SLC25A46: variants seen among roughly 807,000 people sequenced by gnomAD.
SLC25A46 encodes mitochondrial outer membrane protein SLC25A46.
Under a neutral mutation model 44.6 loss-of-function variants are expected in SLC25A46, and 39 were observed. The observed-to-expected ratio is 0.87, with a 90% confidence interval of 0.68 to 1.14. The LOEUF is 1.14. Among genes scored for constraint, SLC25A46 ranks in the 50% most tolerant of loss-of-function variants. SLC25A46 has a pLI of 0.00. For missense variants in SLC25A46, 547 were observed against 522.7 expected (o/e 1.05, Z -0.45); for synonymous variants, 202 against 185.8 (o/e 1.09, Z -0.71).
In SLC25A46 at chr5:110,761,178, T is replaced by C; in HGVS notation, c.679-26T>C. 6.5e-7 allele frequency: 1 copy of C among 1,542,798 alleles called. No homozygotes were observed. The highest frequency in any genetic ancestry group is 8.8e-7 in the Non-Finnish European group (1 of 1,137,954). On this transcript the variant is annotated intron_variant, in intron 7 of 7. Coordinates refer to ENST00000355943, the MANE Select transcript of SLC25A46 (RefSeq NM_138773.4). The surrounding 1 kb of genome is among the most constrained non-coding windows in gnomAD (Gnocchi z 5.3). Reference sequence around the variant, plus strand: ...GGCAAAATAAGCAAATGTTAAGTTTTACTTATTTCATCATTTTTATTTCAG... The same window carrying C: ...GGCAAAATAAGCAAATGTTAAGTTTCACTTATTTCATCATTTTTATTTCAG...
intron 1 of SLC25A46, among the ~76,000 whole-genome samples, chr5:110,740,333 TTAAC>T (rs753836519): frequency 2.8e-4 from 43 of 152,302 alleles, no homozygotes; most frequent in Admixed American, 1.0e-3. Context: ...ACAATAATAT[TTAAC>T]TAAGAAGAAC....
chr5:110,739,675 T>A (rs530402097), intron 1 of SLC25A46, among the ~76,000 whole-genome samples: 15 of 152,362 alleles, frequency 9.8e-5, no homozygotes, highest in African/African-American at 3.4e-4. Flanking sequence ...TCTCAACTGA[T>A]GGTCTGAGTT....
rs1800315240 is a variant in SLC25A46 at position 110,763,600 on chromosome 5, C to A, written c.*1818C>A. On this transcript the variant is annotated 3_prime_UTR_variant, in exon 8 of 8. Coordinates refer to ENST00000355943, the MANE Select transcript of SLC25A46 (RefSeq NM_138773.4). ...AGAAAATTTCAAGTTTGAAAAATTT[C>A]TAGAAAAGAATCTGAATAGAATCAA... is the stretch of plus-strand genomic sequence containing the variant. 1 of 151,658 alleles carries A rather than the reference C, an allele frequency of 6.6e-6. No individual in the cohort carries two copies. The allele number at this position is 151,658 out of a possible 1,614,324, so 9.4% of individuals were successfully genotyped here. A position where few individuals can be genotyped will look rare whatever the true frequency, so the allele number is the denominator to read the frequency against.
intron 5 of SLC25A46, among the ~76,000 whole-genome samples, chr5:110,748,963 G>A (rs749097300): frequency 6.6e-6 from 1 of 152,132 alleles, no homozygotes; most frequent in East Asian, 1.9e-4. Flanking sequence ...TCAAATGGCA[G>A]TATAAAATAA....
intron 1 of SLC25A46, among the ~76,000 whole-genome samples, chr5:110,740,679 T>G (rs531230152): frequency 1.3e-5 from 2 of 152,216 alleles, no homozygotes; most frequent in Admixed American, 6.5e-5. Flanking sequence ...AGGCCGGGCG[T>G]GGTGGCTCAC....
At chr5:110,745,548 C>T (rs1012678792) in intron 3 of SLC25A46, 6 of 152,164 alleles carry the variant, frequency 3.9e-5, no homozygotes, top group South Asian at 2.1e-4. Context: ...CCACTGCGCC[C>T]GTCCTGTTAT....
chr5:110,748,293 G>A (rs754591977), intron 5 of SLC25A46, 30 bp downstream of exon 5: 1 of 1,562,052 alleles, frequency 6.4e-7, no homozygotes, highest in Non-Finnish European at 8.8e-7. Flanking sequence ...TTCAGTATTA[G>A]TTTCATGTGG....
At chr5:110,750,241 C>G (rs984279770) in intron 5 of SLC25A46, among the ~76,000 whole-genome samples, 2 of 127,866 alleles carry the variant, frequency 1.6e-5, no homozygotes, top group East Asian at 2.5e-4. Context: ...TTGGGCAGCT[C>G]AGAGTTTCTT....
chr5:110,759,547 G>A (rs1340358990), intron 7 of SLC25A46, among the ~76,000 whole-genome samples: 25 of 152,096 alleles, frequency 1.6e-4, no homozygotes, highest in Admixed American at 1.6e-3. Flanking sequence ...CATGTGTGTT[G>A]TATCACACAT....
Position 110,763,000 on chromosome 5 carries a change from GA to G in SLC25A46, c.*1223del, listed in dbSNP as rs1442910001. 1 of 151,714 alleles carries G rather than the reference GA, an allele frequency of 6.6e-6. No individual in the cohort carries two copies. The highest frequency in any genetic ancestry group is 1.9e-4 in the East Asian group (1 of 5,158). 9.4% of individuals were successfully genotyped at this position (151,714 alleles called of 1,614,324 possible). ...TGCCCTTGTATTTTATGGGTGAGGGGAAAAAGTACATTTGTACATTTCAACA... is the reference window on the plus strand; with the variant it reads ...TGCCCTTGTATTTTATGGGTGAGGGGAAAAGTACATTTGTACATTTCAACA... On this transcript the variant is annotated 3_prime_UTR_variant, in exon 8 of 8. Coordinates refer to ENST00000355943, the MANE Select transcript of SLC25A46 (RefSeq NM_138773.4).
chr5:110,748,241 A>C lies in SLC25A46; in HGVS notation c.541A>C (p.Ser181Arg), dbSNP rs752809209. 6.2e-7 allele frequency: 1 copy of C among 1,613,450 alleles called. No individual in the cohort carries two copies. The highest frequency in any genetic ancestry group is 8.5e-7 in the Non-Finnish European group (1 of 1,179,482). ...CACACTTGGAGCAGAAGGCATAATT[A>C]GTGAATTTACACCTTTGCCAAGGTA... ...GVTLGAEGII[S>R]EFTPLPREVL... The change falls in exon 5 of 8, where the codon AGT (serine) becomes CGT (arginine). Residue 181 changes from serine (S) to arginine (R), a missense_variant. By Grantham distance (110) the Ser-to-Arg change is moderately radical. Coordinates refer to ENST00000355943, the MANE Select transcript of SLC25A46 (RefSeq NM_138773.4).
At chr5:110,746,195 A>C (rs1433426044) in intron 3 of SLC25A46, 74 bp from the exon 4 acceptor site, 9 of 1,187,328 alleles carry the variant, frequency 7.6e-6, no homozygotes, top group Non-Finnish European at 1.1e-5. Context: ...CAATTCCACC[A>C]TATTTCTTTC....
At chr5:110,748,088 A>G in intron 4 of SLC25A46, 75 bp from the exon 5 acceptor site, 3 of 982,620 alleles carry the variant, frequency 3.1e-6, no homozygotes, top group East Asian at 4.9e-5. Flanking sequence ...TCTACACAAT[A>G]TCAAGTTTTA....
chr5:110,738,906 G>C (rs1005330673), upstream of SLC25A46: 2 of 1,308,762 alleles, frequency 1.5e-6, no homozygotes, highest in African/African-American at 1.5e-5. Flanking sequence ...CCAGGTTACC[G>C]CCGCGTCTCC....
In SLC25A46 at chr5:110,763,879, CAA is replaced by C. The variant is rs1800322660; in HGVS notation, c.*2099_*2100del. 1 of 151,704 alleles carries C rather than the reference CAA, an allele frequency of 6.6e-6. No homozygotes were observed. Among genetic ancestry groups the C allele is most frequent in the Admixed American group, 6.6e-5 (1 of 15,184 alleles). The allele number at this position is 151,704 out of a possible 1,614,324, so 9.4% of individuals were successfully genotyped here. A position where few individuals can be genotyped will look rare whatever the true frequency, so the allele number is the denominator to read the frequency against. On this transcript the variant is annotated 3_prime_UTR_variant, in exon 8 of 8. Transcript: ENST00000355943. ...TATGAATAATTTTTTACAACCACTC[CAA>C]ATTAGTTGAAACAAAATCTTGAACG...
intron 3 of SLC25A46, 128 bp downstream of exon 3, chr5:110,743,915 C>T: frequency 1.6e-6 from 1 of 615,988 alleles, no homozygotes; most frequent in South Asian, 3.3e-5. Flanking sequence ...TTTTTGGTCT[C>T]AAAACCTCTT....
upstream of SLC25A46, chr5:110,738,286 CA>C (rs1405651726): frequency 7.9e-7 from 1 of 1,264,956 alleles, no homozygotes; most frequent in East Asian, 5.9e-5. Context: ...CTCAGTTATT[CA>C]ATTAGAGGTC....
intron 5 of SLC25A46, among the ~76,000 whole-genome samples, chr5:110,749,181 T>C (rs999107563): frequency 6.6e-6 from 1 of 152,098 alleles, no homozygotes; most frequent in African/African-American, 2.4e-5. Flanking sequence ...TGGAAAATGT[T>C]AACCAAGATG....
intron 4 of SLC25A46, 139 bp downstream of exon 4, chr5:110,746,485 G>C (rs899440039): frequency 1.7e-6 from 1 of 580,706 alleles, no homozygotes; most frequent in Non-Finnish European, 3.0e-6. Context: ...GTAGCACAAC[G>C]ATATGTTTTT....
Sources: allele counts gnomAD v4.1 joint callset (sites outside exome capture counted in the v4.1 genomes callset), GRCh38; gene constraint gnomAD v4.1.1; non-coding constraint Gnocchi (gnomAD v3.1); transcripts MANE v1.5; gene names NCBI Gene and HGNC (gene_info 2026-07-23, HGNC 2026-07-21).